The following RNF214 variants were observed in gnomAD, a reference collection of about 807,000 sequenced individuals.
RNF214 encodes ring finger protein 214.
RNF214 carries 25 observed loss-of-function variants against 75.9 expected under a neutral mutation model. The observed-to-expected ratio is 0.33, with a 90% CI of 0.24 to 0.46. The LOEUF (loss-of-function observed/expected upper bound fraction) is 0.46. RNF214 is among the 20% of genes least tolerant of loss of function. RNF214 has a pLI of 1.00. For missense variants in RNF214, 725 were observed against 857.5 expected (o/e 0.85, Z 1.93); for synonymous variants, 314 against 308.8 (o/e 1.02, Z -0.18).
chr11:117,234,455 T>C (rs2134348832), intron 2 of RNF214, 76 bp downstream of exon 2: 2 of 1,016,094 alleles, frequency 2.0e-6, no homozygotes, highest in Non-Finnish European at 3.1e-6. Flanking sequence ...AGCTGGTCTT[T>C]CTTTTTGGCT....
intron 12 of RNF214, 41 bp from the exon 13 acceptor site, chr11:117,282,705 C>T: frequency 6.3e-7 from 1 of 1,581,934 alleles, no homozygotes; most frequent in South Asian, 1.1e-5. Context: ...CTCTGTTACT[C>T]AGACTCTCTT....
At chr11:117,283,989 T>C (rs2034188150) in intron 14 of RNF214, among the ~76,000 whole-genome samples, 1 of 152,184 alleles carries the variant, frequency 6.6e-6, no homozygotes, top group African/African-American at 2.4e-5. Flanking sequence ...TTCAGTAAAT[T>C]GTGGCTTAAA....
At position 117,260,446 on chromosome 11, in the gene RNF214, A is replaced by T. The variant is rs189886942; in HGVS notation, c.959+13498A>T. ...CAAAAACCAAATGACGGTATGAGTC[A>T]CTTGTATGAATAGTAGGTGTAATTC... On this transcript the variant is annotated intron_variant, in intron 6 of 14. Coordinates refer to ENST00000300650, the MANE Select transcript of RNF214 (RefSeq NM_207343.4). Among the ~76,000 whole-genome samples the T allele has an allele frequency of 3.3e-5, 5 of 152,342 alleles. No individual in the cohort carries two copies. The East Asian group carries it at 9.7e-4, about 29-fold the overall frequency.
At position 117,244,482 on chromosome 11, in the gene RNF214, G is replaced by A. The variant is rs751986449; in HGVS notation, c.716G>A (p.Arg239His). Residue 239 changes from arginine (R) to histidine (H), a missense_variant, in exon 5 of 15, where the codon CGT (arginine) becomes CAT (histidine). Arg to His is a conservative substitution (Grantham distance 29). Coordinates refer to ENST00000300650, the MANE Select transcript of RNF214 (RefSeq NM_207343.4). ...MMTERTLLKE[R>H]YQEVLDKQRQ... ...ACAGAGAGAACCCTGTTGAAAGAGC[G>A]TTACCAGGAGGTCCTGGACAAACAG... The A allele has an allele frequency of 1.9e-5, 30 of 1,612,026 alleles. No homozygotes were observed. The highest frequency in any genetic ancestry group is 1.5e-4 in the South Asian group (14 of 90,846).
chr11:117,247,410 A>C (rs1344319310), intron 6 of RNF214, among the ~76,000 whole-genome samples: 7 of 152,142 alleles, frequency 4.6e-5, no homozygotes, highest in African/African-American at 7.2e-5. Context: ...TGGAAGAATC[A>C]CTTGAGCCCA....
At chr11:117,273,467 T>C (rs114479644) in intron 6 of RNF214, among the ~76,000 whole-genome samples, 827 of 81,004 alleles carry the variant, frequency 0.01, 10 homozygotes, top group African/African-American at 0.059. Flanking sequence ...ATGGATATTT[T>C]GTATGTTGTA....
At chr11:117,260,077 AT>A (rs557529984) in intron 6 of RNF214, among the ~76,000 whole-genome samples, 7,363 of 142,960 alleles carry the variant, frequency 0.052, 295 homozygotes, top group African/African-American at 0.11. Flanking sequence ...AAATTCTTTG[AT>A]TTTTTTTTTT....
chr11:117,268,032 G>T (rs1360765426), intron 6 of RNF214, among the ~76,000 whole-genome samples: 1 of 152,170 alleles, frequency 6.6e-6, no homozygotes, highest in East Asian at 1.9e-4. Flanking sequence ...CCTTATGTAG[G>T]TAGCCAAGCC....
At chr11:117,234,152 T>G in intron 1 of RNF214, 115 bp from the exon 2 acceptor site, 1 of 749,620 alleles carries the variant, frequency 1.3e-6, no homozygotes, top group Non-Finnish European at 2.3e-6. Flanking sequence ...GGAGCCCAGG[T>G]TTTTGTGTTT....
intron 4 of RNF214, among the ~76,000 whole-genome samples, chr11:117,243,541 A>T (rs949830975): frequency 6.6e-6 from 1 of 152,176 alleles, no homozygotes; most frequent in Non-Finnish European, 1.5e-5. Context: ...TTAATGAAAA[A>T]ATTCAGTTTA....
chr11:117,235,311 C>T (rs534954599), intron 2 of RNF214, among the ~76,000 whole-genome samples: 1 of 151,922 alleles, frequency 6.6e-6, no homozygotes, highest in East Asian at 1.9e-4. Context: ...GTTCTCCTGC[C>T]TCAGCCTCCC....
chr11:117,270,122 A>G (rs957189637), intron 6 of RNF214, among the ~76,000 whole-genome samples: 4 of 152,032 alleles, frequency 2.6e-5, no homozygotes, highest in African/African-American at 9.7e-5. Flanking sequence ...TTCCAAAGAT[A>G]ATCCCTCTTG....
At position 117,236,484 on chromosome 11, in the gene RNF214, G is replaced by A. The variant is rs1397373260; in HGVS notation, c.107+2105G>A. On this transcript the variant is annotated intron_variant, in intron 2 of 14. Coordinates refer to ENST00000300650, the MANE Select transcript of RNF214 (RefSeq NM_207343.4). ...AGGCAGAGTTTCACCATGTTGTCCA[G>A]GATGGTCTCGATCTTCCGACCTTGT... 2.0e-5 allele frequency among the ~76,000 whole-genome samples: 3 copies of A among 152,002 alleles called. No homozygotes were observed. In the East Asian group the frequency reaches 5.8e-4, roughly 29 times the overall value.
chr11:117,250,103 G>A (rs2033331824), intron 6 of RNF214, among the ~76,000 whole-genome samples: 1 of 152,210 alleles, frequency 6.6e-6, no homozygotes, highest in Non-Finnish European at 1.5e-5. Context: ...GCAAAATAGT[G>A]TAATGATACC....
At chr11:117,245,882 T>A (rs1328609121) in intron 5 of RNF214, among the ~76,000 whole-genome samples, 2 of 152,188 alleles carry the variant, frequency 1.3e-5, no homozygotes, top group African/African-American at 4.8e-5. Context: ...TGTGAAAGCA[T>A]AATACAAAGC....
chr11:117,248,432 C>T (rs1256982229), intron 6 of RNF214, among the ~76,000 whole-genome samples: 3 of 152,136 alleles, frequency 2.0e-5, no homozygotes, highest in African/African-American at 7.2e-5. Context: ...TGTGAATACT[C>T]GGTTGATTTT....
intron 6 of RNF214, among the ~76,000 whole-genome samples, chr11:117,251,391 A>G (rs2033383662): frequency 1.5e-5 from 2 of 133,086 alleles, no homozygotes; most frequent in African/African-American, 2.8e-5. Context: ...TGACCCCCCC[A>G]CCTCCCTCCC....
intron 6 of RNF214, among the ~76,000 whole-genome samples, chr11:117,247,361 G>A (rs919673555): frequency 3.3e-5 from 5 of 152,140 alleles, no homozygotes; most frequent in African/African-American, 1.2e-4. Flanking sequence ...TGGTTGTGGT[G>A]GCACGTGGCT....
At chr11:117,275,084 T>C (rs1331485599) in intron 6 of RNF214, among the ~76,000 whole-genome samples, 1 of 152,162 alleles carries the variant, frequency 6.6e-6, no homozygotes, top group Non-Finnish European at 1.5e-5. Context: ...CCTAGCAGTA[T>C]AAAACTAGAA....
Sources: gnomAD v4.1 joint callset for allele counts (sites outside exome capture counted in the v4.1 genomes callset) on GRCh38, gnomAD v4.1.1 for gene constraint, MANE v1.5 for transcripts, NCBI Gene and HGNC (gene_info 2026-07-23, HGNC 2026-07-21) for gene names.